Variants in PTPRK observed in about 807,000 individuals in gnomAD.
The protein encoded by PTPRK is protein tyrosine phosphatase receptor type K.
Under a neutral mutation model 178.0 loss-of-function variants are expected in PTPRK, and 75 were observed. The ratio of observed to expected loss-of-function variants is 0.42; its 90% confidence interval spans 0.35 to 0.51. The LOEUF is 0.51. PTPRK is among the 20% of genes least tolerant of loss of function. PTPRK has a pLI of 0.02. For synonymous variants in PTPRK, 637 were observed against 620.6 expected (o/e 1.03, Z -0.39); for missense variants, 1,441 against 1,797.8 (o/e 0.80, Z 3.59).
intron 25 of PTPRK, among the ~76,000 whole-genome samples, chr6:127,980,076 C>T (rs568510206): frequency 7.8e-4 from 119 of 152,118 alleles, no homozygotes; most frequent in African/African-American, 2.7e-3. Context: ...TTTGGGGGGC[C>T]GAGGCAGGTG....
At chr6:128,093,419 C>A (rs572463649) in intron 7 of PTPRK, among the ~76,000 whole-genome samples, 139 of 151,478 alleles carry the variant, frequency 9.2e-4, no homozygotes, top group Admixed American at 1.6e-3. Flanking sequence ...CATGGTGAAA[C>A]CCCATCTCTA....
intron 7 of PTPRK, among the ~76,000 whole-genome samples, chr6:128,122,934 C>T (rs1792713281): frequency 6.6e-6 from 1 of 152,034 alleles, no homozygotes. Flanking sequence ...ATGGATATGG[C>T]ATGGTGTAAG....
chr6:128,074,462 T>C (rs568250274), intron 11 of PTPRK, among the ~76,000 whole-genome samples: 17 of 152,178 alleles, frequency 1.1e-4, no homozygotes, highest in African/African-American at 4.1e-4. Flanking sequence ...GGTTAGAGTT[T>C]TAATTCATTT....
Position 127,996,921 on chromosome 6 carries a change from C to A in PTPRK, c.2747G>T (p.Arg916Leu), listed in dbSNP as rs746002316. The A allele has an allele frequency of 3.1e-6, 5 of 1,610,848 alleles. No individual in the cohort carries two copies. Among genetic ancestry groups the A allele is most frequent in the East Asian group, 2.2e-5 (1 of 44,740 alleles). ...AKKDQNRAKN[R>L]YGNIIAYDHS... ...CTTACATGCTATAATGTTTCCATATCGGTTTTTTGCTCTATTTTGATCTTT... is the reference window on the plus strand; with the variant it reads ...CTTACATGCTATAATGTTTCCATATAGGTTTTTTGCTCTATTTTGATCTTT... Residue 916 changes from arginine to leucine, a missense_variant, in exon 17 of 30, where the codon CGA (arginine) becomes CTA (leucine). Arg to Leu is a moderately radical substitution (Grantham distance 102, BLOSUM62 -2). Coordinates refer to ENST00000368226, the MANE Select transcript of PTPRK (RefSeq NM_002844.4).
intron 1 of PTPRK, among the ~76,000 whole-genome samples, chr6:128,452,171 A>G (rs542789728): frequency 6.6e-6 from 1 of 152,154 alleles, no homozygotes; most frequent in African/African-American, 2.4e-5. Context: ...TTCTAGTGCC[A>G]CCTTTCATCT....
At chr6:128,338,846 G>A (rs1474432730) in intron 2 of PTPRK, among the ~76,000 whole-genome samples, 1 of 149,328 alleles carries the variant, frequency 6.7e-6, no homozygotes, top group Admixed American at 6.8e-5. Flanking sequence ...TAAGGCAAGA[G>A]ATTCACCAAA....
intron 4 of PTPRK, 63 bp downstream of exon 4, chr6:128,242,458 A>G: frequency 1.3e-6 from 2 of 1,575,632 alleles, no homozygotes; most frequent in Non-Finnish European, 1.7e-6. Flanking sequence ...ATCAATAGTC[A>G]CTGCCAATAT....
chr6:128,364,608 G>A (rs1387220488), intron 2 of PTPRK, among the ~76,000 whole-genome samples: 1 of 151,974 alleles, frequency 6.6e-6, no homozygotes, highest in Non-Finnish European at 1.5e-5. Context: ...AATGATGATT[G>A]ACATCTTCCA....
rs747334195 is a variant in PTPRK at position 128,262,857 on chromosome 6, C to CAAAAAAA, written c.496-20262_496-20256dup. Among the ~76,000 whole-genome samples the CAAAAAAA allele has an allele frequency of 1.1e-4, 8 of 75,082 alleles. 2 individuals are homozygous for CAAAAAAA. The highest frequency in any genetic ancestry group is 4.1e-4 in the African/African-American group (8 of 19,676). 49.3% of individuals were successfully genotyped at this position (75,082 alleles called of 152,430 possible). A position where few individuals can be genotyped will look rare whatever the true frequency, so the allele number is the denominator to read the frequency against. The stretch of plus-strand genomic sequence containing the variant: ...TTTAGGTGGGTCCAAAACCAATAAC[C>CAAAAAAA]AAAAAAAAAAAAAAAAAAGTCTAAG... On this transcript the variant is annotated intron_variant, in intron 3 of 29. Coordinates refer to ENST00000368226, the MANE Select transcript of PTPRK (RefSeq NM_002844.4).
chr6:128,369,316 GT>G (rs1243591682), intron 2 of PTPRK, among the ~76,000 whole-genome samples: 1 of 152,100 alleles, frequency 6.6e-6, no homozygotes, highest in Non-Finnish European at 1.5e-5. Flanking sequence ...TATTCCATAT[GT>G]AAATAACGTT....
intron 3 of PTPRK, among the ~76,000 whole-genome samples, chr6:128,278,062 C>T (rs1821011327): frequency 6.6e-6 from 1 of 151,678 alleles, no homozygotes; most frequent in Non-Finnish European, 1.5e-5. Flanking sequence ...GGCTCTTTTC[C>T]CAAAAAAGCT....
At chr6:128,354,391 C>T (rs1044049814) in intron 2 of PTPRK, among the ~76,000 whole-genome samples, 12 of 151,536 alleles carry the variant, frequency 7.9e-5, no homozygotes, top group African/African-American at 2.7e-4. Context: ...GCATCCACCA[C>T]CGCCCGGCTA....
chr6:128,326,853 C>A (rs1157434578), intron 2 of PTPRK, among the ~76,000 whole-genome samples: 1 of 151,884 alleles, frequency 6.6e-6, no homozygotes, highest in African/African-American at 2.4e-5. Context: ...AAAACAGAGA[C>A]TACATGAATA....
chr6:128,268,300 G>T (rs1194207115), intron 3 of PTPRK, among the ~76,000 whole-genome samples: 1 of 151,912 alleles, frequency 6.6e-6, no homozygotes, highest in Non-Finnish European at 1.5e-5. Flanking sequence ...TACCAGAGGT[G>T]CTTGTTAAAT....
chr6:128,093,544 G>A (rs1286682468), intron 7 of PTPRK, among the ~76,000 whole-genome samples: 6 of 120,656 alleles, frequency 5.0e-5, no homozygotes, highest in Non-Finnish European at 8.0e-5. Flanking sequence ...GCAGTGAGCC[G>A]AGATCGCACC....
intron 1 of PTPRK, among the ~76,000 whole-genome samples, chr6:128,440,842 C>T (rs774983465): frequency 1.3e-5 from 2 of 151,776 alleles, no homozygotes; most frequent in African/African-American, 4.9e-5. Flanking sequence ...TGCTGATGGA[C>T]GTTTAGTGGC....
Position 127,981,368 on chromosome 6 carries a change from A to G in PTPRK, c.3538-79T>C, listed in dbSNP as rs1377734610. ...TAACACAGATCCATCAGGAATTTAG[A>G]AGGCCAAGTAGAAAGTGAAGGATTT... On this transcript the variant is annotated intron_variant, in intron 24 of 29. Transcript: ENST00000368226. 3.2e-6 allele frequency: 4 copies of G among 1,266,222 alleles called. No individual in the cohort carries two copies. In the African/African-American group the frequency reaches 6.0e-5, roughly 19 times the overall value. 78.4% of individuals were successfully genotyped at this position (1,266,222 alleles called of 1,614,324 possible). A position where few individuals can be genotyped will look rare whatever the true frequency, so the allele number is the denominator to read the frequency against.
At chr6:128,366,265 A>T (rs756763260) in intron 2 of PTPRK, among the ~76,000 whole-genome samples, 8 of 152,160 alleles carry the variant, frequency 5.3e-5, no homozygotes, top group Non-Finnish European at 1.2e-4. Context: ...AACTTGGATC[A>T]CTTACGGAAA....
At position 128,042,779 on chromosome 6, in the gene PTPRK, A is replaced by C. The variant is rs376848143; in HGVS notation, c.2194+21979T>G. On this transcript the variant is annotated intron_variant, in intron 13 of 29. Transcript: ENST00000368226. ...ATCACAGAGGCCCCAACCAAGAATT[A>C]TCATGATTACAAATAACTTATCTAT... Among the ~76,000 whole-genome samples, 6 of 152,084 alleles carry C rather than the reference A, an allele frequency of 3.9e-5. No homozygotes were observed. The East Asian group carries it at 9.6e-4, about 24-fold the overall frequency.
Sources: allele counts gnomAD v4.1 joint callset (sites outside exome capture counted in the v4.1 genomes callset), GRCh38; gene constraint gnomAD v4.1.1; transcripts MANE v1.5; gene names NCBI Gene and HGNC (gene_info 2026-07-23, HGNC 2026-07-21).